INTS3: variants seen among roughly 807,000 people sequenced by gnomAD.
The protein encoded by INTS3 is SOSS complex subunit A.
INTS3 carries 34 observed loss-of-function variants against 146.3 expected under a neutral mutation model. That is an observed-to-expected ratio of 0.23 (90% CI 0.18 to 0.31). INTS3 has a LOEUF of 0.31. Among genes scored for constraint, INTS3 ranks in the 10% least tolerant of loss-of-function variants. The probability of loss-of-function intolerance (pLI) is 1.00; values close to 1 mark genes in which losing one functional copy is unlikely to be tolerated. For missense variants in INTS3, 757 were observed against 1,304.2 expected, an observed-to-expected ratio of 0.58 and a Z score of 6.46; for synonymous variants, 475 against 494.9, an observed-to-expected ratio of 0.96 and a Z score of 0.53.
chr1:153,763,814 C>G lies in INTS3; in HGVS notation c.1767-18C>G, dbSNP rs1204747086. On this transcript the variant is annotated intron_variant, in intron 16 of 29. Transcript: ENST00000318967. The stretch of plus-strand genomic sequence containing the variant: ...ATCATTTATGTCCCTGGGATTTCCT[C>G]TCATTTCTGTCCTGCAGTGATACGG... 6.2e-7 allele frequency: 1 copy of G among 1,612,228 alleles called. No homozygotes were observed. The highest frequency in any genetic ancestry group is 1.1e-5 in the South Asian group (1 of 90,706).
At chr1:153,763,181 CTG>C (rs1453448637) in intron 15 of INTS3, 50 bp from the exon 16 acceptor site, 10 of 1,612,686 alleles carry the variant, frequency 6.2e-6, no homozygotes, top group Non-Finnish European at 7.6e-6. Context: ...GGGACTGTCT[CTG>C]TTGCTGGCAT....
At chr1:153,739,583 C>T (rs994171728) in intron 1 of INTS3, among the ~76,000 whole-genome samples, 6 of 152,050 alleles carry the variant, frequency 3.9e-5, no homozygotes, top group African/African-American at 1.2e-4. Context: ...ATCCAACCCC[C>T]TCGGCCTCCC....
At chr1:153,769,033 C>T in intron 22 of INTS3, 72 bp downstream of exon 22, 2 of 1,247,490 alleles carry the variant, frequency 1.6e-6, no homozygotes, top group South Asian at 1.2e-5. Context: ...TCTGCTCTCC[C>T]TCCAGGCCTG....
chr1:153,757,637 TAGTC>T lies in INTS3; in HGVS notation c.1028_1031del (p.Gln343LeufsTer13). 1.2e-6 allele frequency: 2 copies of T among 1,614,184 alleles called. No individual in the cohort carries two copies. Among genetic ancestry groups the T allele is most frequent in the Non-Finnish European group, 1.7e-6 (2 of 1,180,012 alleles). ...AGCGCCAGTACCTGTCAACTCCAGA[TAGTC>T]AGTCTCTGCGCTGTGACCTCATTCG... On this transcript the variant is annotated frameshift_variant, in exon 10 of 30. Transcript: ENST00000318967. LOFTEE classifies it high-confidence loss of function. The surrounding 1 kb of genome is among the most constrained non-coding windows in gnomAD (Gnocchi z 4.0).
At chr1:153,732,667 C>G (rs907300879) in intron 1 of INTS3, among the ~76,000 whole-genome samples, 1 of 151,938 alleles carries the variant, frequency 6.6e-6, no homozygotes, top group Non-Finnish European at 1.5e-5. Context: ...AGGCTGGTCT[C>G]AAATTCCTGA....
chr1:153,772,685 G>C lies in INTS3; in HGVS notation c.2868G>C (p.Ala956=). Reference sequence around the variant, plus strand: ...TCCAGGCGCTGCAGCATGTCCAAGCGAGCTGTGACGAAGCCCACAAGATGA... The same window carrying C: ...TCCAGGCGCTGCAGCATGTCCAAGCCAGCTGTGACGAAGCCCACAAGATGA... ...PILQALQHVQ[A]SCDEAHKMKF... Residue 956 remains alanine, a synonymous_variant, in exon 28 of 30, where the codon GCG becomes GCC. Transcript: ENST00000318967. This position sits in a 1 kb window ranked among gnomAD's most constrained non-coding sequence, Gnocchi z 4.6. The C allele has an allele frequency of 6.2e-7, 1 of 1,614,090 alleles. No homozygotes were observed. Among genetic ancestry groups the C allele is most frequent in the Non-Finnish European group, 8.5e-7 (1 of 1,179,988 alleles).
chr1:153,732,207 C>T (rs1239980202), intron 1 of INTS3, among the ~76,000 whole-genome samples: 2 of 151,864 alleles, frequency 1.3e-5, no homozygotes, highest in Non-Finnish European at 2.9e-5. Context: ...CTGGCCAGAG[C>T]TTCCTCTTAA....
At position 153,731,770 on chromosome 1, in the gene INTS3, A is replaced by G. The variant is rs530580342; in HGVS notation, c.150+2986A>G. Among the ~76,000 whole-genome samples, 65 of 150,062 alleles carry G rather than the reference A, an allele frequency of 4.3e-4. 1 individual carries two copies. The highest frequency in any genetic ancestry group is 1.5e-3 in the African/African-American group (60 of 40,852). ...CCGGCTAATTTTTTGCATTTTTAGT[A>G]GAGACAGGGTTTCACCATGTTAGCC... On this transcript the variant is annotated intron_variant, in intron 1 of 29. Transcript: ENST00000318967.
In INTS3 at chr1:153,728,055, C is replaced by G; in HGVS notation, c.-580C>G. On this transcript the variant is annotated 5_prime_UTR_variant, in exon 1 of 30. Coordinates refer to ENST00000318967, the MANE Select transcript of INTS3 (RefSeq NM_023015.5). ...CTCCCCCTCCCCCGCCCTCCGCCTT[C>G]CCACCCCCCGCCCTTCCACTATGGC... The G allele has an allele frequency of 7.0e-6, 1 of 142,730 alleles. No homozygotes were observed. Among genetic ancestry groups the G allele is most frequent in the East Asian group, 2.1e-4 (1 of 4,864 alleles). 8.8% of individuals were successfully genotyped at this position (142,730 alleles called of 1,614,324 possible). A position where few individuals can be genotyped will look rare whatever the true frequency, so the allele number is the denominator to read the frequency against.
intron 6 of INTS3, among the ~76,000 whole-genome samples, chr1:153,750,325 C>T (rs1671910890): frequency 6.6e-6 from 1 of 152,252 alleles, no homozygotes; most frequent in Non-Finnish European, 1.5e-5. Context: ...GGAATATCCC[C>T]ACTGTGTCTT....
chr1:153,753,285 G>A (rs1570859369), intron 8 of INTS3, among the ~76,000 whole-genome samples: 1 of 152,060 alleles, frequency 6.6e-6, no homozygotes, highest in African/African-American at 2.4e-5. Context: ...GAGGCCGGGC[G>A]CGGTGGCTCA....
intron 9 of INTS3, among the ~76,000 whole-genome samples, chr1:153,756,587 G>A (rs967493337): frequency 1.2e-4 from 18 of 152,016 alleles, no homozygotes; most frequent in Non-Finnish European, 2.1e-4. Flanking sequence ...AGGCCAAGGC[G>A]GGTGGATCAC....
At chr1:153,746,779 T>G in intron 3 of INTS3, 178 bp from the exon 4 acceptor site, 1 of 575,458 alleles carries the variant, frequency 1.7e-6, no homozygotes, top group Non-Finnish European at 3.1e-6. Flanking sequence ...AGGGATAGGT[T>G]GGGAATGCAG....
rs1670941422 is a variant in INTS3 at position 153,728,455 on chromosome 1, G to A, written c.-180G>A. The A allele has an allele frequency of 7.4e-6, 5 of 676,178 alleles. No homozygotes were observed. The South Asian group carries it at 1.1e-4, about 15-fold the overall frequency. 41.9% of individuals were successfully genotyped at this position (676,178 alleles called of 1,614,324 possible). On this transcript the variant is annotated 5_prime_UTR_variant, in exon 1 of 30. Transcript: ENST00000318967. The stretch of plus-strand genomic sequence containing the variant: ...TCAGGACCCAGAGGACTGTGCCTTC[G>A]CCCCCAACGCAGGCGCGGCCTTTTG...
rs372843121 is a variant in INTS3, at chr1:153,736,856, C to G, written c.151-3795C>G. 7.3e-5 allele frequency among the ~76,000 whole-genome samples: 11 copies of G among 151,136 alleles called. No individual in the cohort carries two copies. In the South Asian group the frequency reaches 2.1e-3, roughly 29 times the overall value. ...TCGGCTCACTGCAAGCTTCGCCGAC[C>G]GGGTTCACACCATTCTCCTGCCTCA... is the stretch of plus-strand genomic sequence containing the variant. On this transcript the variant is annotated intron_variant, in intron 1 of 29. Coordinates refer to ENST00000318967, the MANE Select transcript of INTS3 (RefSeq NM_023015.5).
chr1:153,771,068 C>T (rs907027836), intron 25 of INTS3, among the ~76,000 whole-genome samples: 45 of 152,150 alleles, frequency 3.0e-4, no homozygotes, highest in Admixed American at 2.5e-3. Flanking sequence ...TCCTGCTGGC[C>T]ACCGCACAGC....
intron 1 of INTS3, among the ~76,000 whole-genome samples, chr1:153,739,101 T>C (rs1350867946): frequency 6.6e-6 from 1 of 152,028 alleles, no homozygotes; most frequent in Non-Finnish European, 1.5e-5. Flanking sequence ...TCTCACTCTG[T>C]CGCCCAGGCT....
intron 24 of INTS3, 69 bp from the exon 25 acceptor site, chr1:153,770,614 TGA>T: frequency 7.7e-7 from 1 of 1,295,616 alleles, no homozygotes; most frequent in Non-Finnish European, 1.1e-6. Flanking sequence ...TGTTGGGGGA[TGA>T]GAGAGGTCCC....
At chr1:153,740,894 G>A (rs1264721839) in intron 2 of INTS3, among the ~76,000 whole-genome samples, 160 bp downstream of exon 2, 1 of 152,142 alleles carries the variant, frequency 6.6e-6, no homozygotes, top group African/African-American at 2.4e-5. Flanking sequence ...TTTACTGTGG[G>A]AGCCTATCTC....
Sources: gnomAD v4.1 joint callset for allele counts (sites outside exome capture counted in the v4.1 genomes callset) on GRCh38, gnomAD v4.1.1 for gene constraint, Gnocchi (gnomAD v3.1) non-coding constraint, MANE v1.5 for transcripts, NCBI Gene and HGNC (gene_info 2026-07-23, HGNC 2026-07-21) for gene names.